AGMO: variants seen among roughly 807,000 people sequenced by gnomAD.
AGMO encodes the protein glyceryl-ether monooxygenase.
Under a neutral mutation model 60.2 loss-of-function variants are expected in AGMO, and 75 were observed. That is an observed-to-expected ratio of 1.25 (90% CI 1.03 to 1.51). AGMO has a LOEUF of 1.51. Ranked by LOEUF, AGMO falls within the 40% of genes most tolerant of loss-of-function variation. The pLI, the probability that AGMO is intolerant of heterozygous loss-of-function variation, is 0.00. For synonymous variants in AGMO, 261 were observed against 177.1 expected (o/e 1.47, Z -3.76); for missense variants, 763 against 525.5 (o/e 1.45, Z -4.42).
intron 3 of AGMO, among the ~76,000 whole-genome samples, chr7:15,457,578 C>G (rs1333844365): frequency 6.6e-6 from 1 of 152,152 alleles, no homozygotes. Flanking sequence ...GGACTGCTTA[C>G]AGCAAATTAG....
At chr7:15,143,916 T>C in the AGMO span, among the ~76,000 whole-genome samples, 3 of 152,206 alleles carry the variant, frequency 2.0e-5, no homozygotes, top group Admixed American at 6.5e-5. Context: ...GCCAGCGCAC[T>C]GTACATTTCA....
At chr7:15,305,339 T>C (rs1382891717) in intron 12 of AGMO, among the ~76,000 whole-genome samples, 2 of 151,928 alleles carry the variant, frequency 1.3e-5, no homozygotes, top group East Asian at 3.9e-4. Context: ...TTTTTCCATA[T>C]CCCCATCTCT....
intron 3 of AGMO, among the ~76,000 whole-genome samples, chr7:15,475,861 T>A (rs1782582071): frequency 6.6e-6 from 1 of 152,084 alleles, no homozygotes; most frequent in African/African-American, 2.4e-5. Context: ...GAATGAGCTA[T>A]AAGTATAAGC....
At chr7:15,486,279 A>G (rs1289497351) in intron 3 of AGMO, among the ~76,000 whole-genome samples, 1 of 152,152 alleles carries the variant, frequency 6.6e-6, no homozygotes, top group African/African-American at 2.4e-5. Flanking sequence ...AACGGGTACC[A>G]TTGTGATTTA....
At chr7:15,331,292 A>G (rs1287012253) in intron 12 of AGMO, among the ~76,000 whole-genome samples, 2 of 151,390 alleles carry the variant, frequency 1.3e-5, no homozygotes, top group Non-Finnish European at 3.0e-5. Flanking sequence ...GCTGTGAGAA[A>G]TAAAAATGAT....
At chr7:15,511,037 G>A (rs1783658988) in intron 3 of AGMO, among the ~76,000 whole-genome samples, 1 of 151,874 alleles carries the variant, frequency 6.6e-6, no homozygotes, top group African/African-American at 2.4e-5. Context: ...GTTAAACATT[G>A]ACATAAATGT....
chr7:15,301,819 A>G (rs920920649), intron 12 of AGMO, among the ~76,000 whole-genome samples: 3 of 152,096 alleles, frequency 2.0e-5, no homozygotes, highest in Admixed American at 6.6e-5. Flanking sequence ...TTACTGTTAA[A>G]TTTTTAACAG....
At chr7:15,162,557 G>A in the AGMO span, among the ~76,000 whole-genome samples, 4 of 152,038 alleles carry the variant, frequency 2.6e-5, no homozygotes, top group Non-Finnish European at 5.9e-5. Context: ...AGCTGGGTAC[G>A]GTGGCATGCA....
intron 12 of AGMO, among the ~76,000 whole-genome samples, chr7:15,264,822 C>T (rs1012986460): frequency 1.3e-5 from 2 of 151,990 alleles, no homozygotes; most frequent in Non-Finnish European, 2.9e-5. Flanking sequence ...AACACTTATA[C>T]CTTGTTGGTG....
intron 12 of AGMO, among the ~76,000 whole-genome samples, chr7:15,365,313 G>T (rs181779017): frequency 8.3e-4 from 118 of 142,806 alleles, no homozygotes; most frequent in African/African-American, 3.0e-3. Flanking sequence ...CCAACTTTAC[G>T]GGCCAAAAAA....
intron 3 of AGMO, among the ~76,000 whole-genome samples, chr7:15,478,351 AG>A (rs1447441909): frequency 6.6e-6 from 1 of 152,146 alleles, no homozygotes; most frequent in African/African-American, 2.4e-5. Flanking sequence ...GTAATCTCCA[AG>A]GGTCTTTCTT....
At chr7:15,208,587 T>A (rs890105052) in intron 12 of AGMO, among the ~76,000 whole-genome samples, 2 of 152,192 alleles carry the variant, frequency 1.3e-5, no homozygotes, top group African/African-American at 4.8e-5. Context: ...CTGCTGAGAT[T>A]TTTTATGCAT....
chr7:15,403,239 T>C (rs1242453260), intron 5 of AGMO, among the ~76,000 whole-genome samples: 1 of 151,978 alleles, frequency 6.6e-6, no homozygotes, highest in African/African-American at 2.4e-5. Flanking sequence ...TTAGTGTAGA[T>C]GTGTGCTTTT....
intron 3 of AGMO, among the ~76,000 whole-genome samples, chr7:15,498,599 A>G (rs184337185): frequency 7.5e-4 from 114 of 152,086 alleles, no homozygotes; most frequent in Non-Finnish European, 1.1e-3. Flanking sequence ...AATTAAATTT[A>G]TGGATGCACT....
chr7:15,399,461 C>T (rs1240254943), intron 5 of AGMO, among the ~76,000 whole-genome samples: 1 of 152,184 alleles, frequency 6.6e-6, no homozygotes, highest in Non-Finnish European at 1.5e-5. Flanking sequence ...CTCACCCAAA[C>T]TTCACAGAAA....
chr7:15,212,123 T>C (rs1781608501), intron 12 of AGMO, among the ~76,000 whole-genome samples: 1 of 151,782 alleles, frequency 6.6e-6, no homozygotes, highest in African/African-American at 2.4e-5. Flanking sequence ...ATTAAAATGT[T>C]CAGTCCAGAC....
chr7:15,371,457 C>G (rs966140535), intron 10 of AGMO, among the ~76,000 whole-genome samples: 6 of 151,906 alleles, frequency 3.9e-5, no homozygotes, highest in Non-Finnish European at 8.8e-5. Flanking sequence ...ATGGCGCCAT[C>G]TCGGCTCACT....
chr7:15,423,093 CTACTT>C (rs1042405973), intron 4 of AGMO, among the ~76,000 whole-genome samples: 6 of 136,384 alleles, frequency 4.4e-5, no homozygotes, highest in African/African-American at 1.5e-4. Context: ...GAATTCATGT[CTACTT>C]TATTTTAATA....
intron 12 of AGMO, among the ~76,000 whole-genome samples, chr7:15,327,730 T>C (rs1470052894): frequency 1.5e-5 from 2 of 137,146 alleles, no homozygotes; most frequent in Admixed American, 1.7e-4. Flanking sequence ...AATGATAAAC[T>C]GATTTCTTTC....
Sources: gnomAD v4.1 joint callset for allele counts (sites outside exome capture counted in the v4.1 genomes callset) on GRCh38, gnomAD v4.1.1 for gene constraint, MANE v1.5 for transcripts, NCBI Gene and HGNC (gene_info 2026-07-23, HGNC 2026-07-21) for gene names.